The following GON4L variants were observed in gnomAD, a reference collection of about 807,000 sequenced individuals.
GON4L encodes the protein gon-4 like, also known as GON-4-like protein.
GON4L carries 87 observed loss-of-function variants against 211.8 expected under a neutral mutation model. That is an observed-to-expected ratio of 0.41 (90% CI 0.35 to 0.49). The LOEUF is 0.49. GON4L is among the 20% of genes least tolerant of loss of function. The pLI is 0.15. For synonymous variants in GON4L, 875 were observed against 962.6 expected, an observed-to-expected ratio of 0.91 and a Z score of 1.68; for missense variants, 2,155 against 2,659.5, an observed-to-expected ratio of 0.81 and a Z score of 4.17.
At chr1:155,831,853 T>C (rs1007909699) in intron 2 of GON4L, among the ~76,000 whole-genome samples, 4 of 152,214 alleles carry the variant, frequency 2.6e-5, no homozygotes, top group East Asian at 1.9e-4. Context: ...CACTGGACTA[T>C]AGCCTGGATG....
chr1:155,783,458 C>A (rs766404790), intron 14 of GON4L, among the ~76,000 whole-genome samples: 1 of 152,152 alleles, frequency 6.6e-6, no homozygotes, highest in East Asian at 1.9e-4. Context: ...AAATCCACCA[C>A]AAAATGAGGA....
rs531895883 is a variant in GON4L at position 155,854,982 on chromosome 1, C to G, written c.-26-1176G>C. 4.0e-3 allele frequency among the ~76,000 whole-genome samples: 598 copies of G among 150,862 alleles called. 2 individuals are homozygous for G. The highest frequency in any genetic ancestry group is 5.2e-3 in the Non-Finnish European group (351 of 67,838). On this transcript the variant is annotated intron_variant, in intron 1 of 31. Transcript: ENST00000368331. ...CCCGGAGACAGAGGTTGCAGTGAGC[C>G]GAGATCACTCCCCATTGCACTCCAG...
At chr1:155,753,100 T>G (rs753727993) in intron 29 of GON4L, 104 bp downstream of exon 29, 19 of 832,980 alleles carry the variant, frequency 2.3e-5, no homozygotes, top group Non-Finnish European at 3.5e-5. Flanking sequence ...AGGTGGTATA[T>G]CCATCCCTGA....
chr1:155,840,472 T>TATAAAAA (rs1670670770), intron 2 of GON4L, among the ~76,000 whole-genome samples: 2 of 152,188 alleles, frequency 1.3e-5, no homozygotes, highest in African/African-American at 2.4e-5. Context: ...CTGGGCTTTA[T>TATAAAAA]CAAAGCTATA....
In GON4L at chr1:155,753,359, C is replaced by A. The variant is rs1449749082; in HGVS notation, c.5687G>T (p.Ser1896Ile). ...CATAGGACTAGCCTCTCGGTGGGGG[C>A]TGCTGCCCACCAACTCATGGGGCTC... ...SKEPHELVGS[S>I]PHREASPMPG... The change falls in exon 29 of 32, where the codon AGC becomes ATC. Residue 1896 changes from serine (S) to isoleucine (I), a missense_variant. Ser to Ile is a moderately radical substitution (Grantham distance 142, BLOSUM62 -2). This residue lies in a region of GON4L where 455 missense variants were observed against 504.6 expected (regional missense o/e 0.90). Coordinates refer to ENST00000368331, the MANE Select transcript of GON4L (RefSeq NM_001282860.2). 1.9e-6 allele frequency: 3 copies of A among 1,613,634 alleles called. No individual in the cohort carries two copies. Among genetic ancestry groups the A allele is most frequent in the East Asian group, 2.2e-5 (1 of 44,868 alleles).
intron 10 of GON4L, among the ~76,000 whole-genome samples, chr1:155,807,730 A>AAAAAAAAAAAAAAAC (rs1395575383): frequency 7.0e-6 from 1 of 143,798 alleles, no homozygotes; most frequent in African/African-American, 2.6e-5. Context: ...AAAAAAGAAA[A>AAAAAAAAAAAAAAAC]TCAGAAAGTG....
chr1:155,833,517 G>A (rs1463882825), intron 2 of GON4L, among the ~76,000 whole-genome samples: 1 of 151,010 alleles, frequency 6.6e-6, no homozygotes, highest in Admixed American at 6.6e-5. Context: ...ATGATGGCAG[G>A]TGCCTGTAGT....
At chr1:155,841,596 A>T (rs1458309277) in intron 2 of GON4L, among the ~76,000 whole-genome samples, 1 of 152,192 alleles carries the variant, frequency 6.6e-6, no homozygotes, top group Non-Finnish European at 1.5e-5. Context: ...TCTGGCCTAC[A>T]ATGTTTAATT....
chr1:155,792,911 G>A (rs1015486688), intron 12 of GON4L, among the ~76,000 whole-genome samples: 6 of 151,934 alleles, frequency 3.9e-5, no homozygotes, highest in South Asian at 2.1e-4. Context: ...CATGCACCAC[G>A]ACAACTAATT....
At chr1:155,761,655 C>G (rs1218146506) in intron 23 of GON4L, among the ~76,000 whole-genome samples, 1 of 151,810 alleles carries the variant, frequency 6.6e-6, no homozygotes, top group Non-Finnish European at 1.5e-5. Context: ...ACCACCACAC[C>G]CGGCTAATTT....
intron 4 of GON4L, among the ~76,000 whole-genome samples, chr1:155,821,798 T>A (rs565166253): frequency 1.3e-5 from 2 of 152,326 alleles, no homozygotes; most frequent in Admixed American, 1.3e-4. Context: ...GGAACAGGAA[T>A]GGCTCACATA....
rs546887124 is a variant in GON4L at position 155,762,365 on chromosome 1, A to T, written c.4736T>A (p.Ile1579Asn). 13 of 1,610,304 alleles carry T rather than the reference A, an allele frequency of 8.1e-6. No homozygotes were observed. The East Asian group carries it at 2.9e-4, about 36-fold the overall frequency. Residue 1579 changes from isoleucine to asparagine, a missense_variant, in exon 23 of 32, where the codon ATC becomes AAC. Ile to Asn is a moderately radical substitution (Grantham distance 149). Coordinates refer to ENST00000368331, the MANE Select transcript of GON4L (RefSeq NM_001282860.2). The stretch of plus-strand genomic sequence containing the variant: ...GTTCCGGCCTTTTCCAGCAGCTTTG[A>T]TGCTCTCTCCTTGTAGCACACATGA... ...ETSRTPPGESIKAAGKGRNNH... is the reference protein window; with the variant it reads ...ETSRTPPGESNKAAGKGRNNH...
At chr1:155,746,886 C>T, downstream of GON4L, 2 of 1,596,364 alleles carry the variant, frequency 1.3e-6, no homozygotes, top group South Asian at 1.1e-5. Context: ...GGGCCTCTGT[C>T]CTGAACTTTT....
chr1:155,757,027 C>G lies in GON4L; in HGVS notation c.5448G>C (p.Glu1816Asp), dbSNP rs1158305397. ...TTGAGGCTGTGGGTATCTTGGGAGG[C>G]TCCTCCTCTTCTTCCACATCAGGCA... is the stretch of plus-strand genomic sequence containing the variant. The part of the protein sequence containing the change: ...VALPDVEEEE[E>D]PPKIPTASKN... Residue 1816 changes from glutamate to aspartate, a missense_variant, in exon 27 of 32, where the codon GAG becomes GAC. Around this residue, in one of 6 missense-constraint regions of GON4L, gnomAD observed 455 missense variants for 504.6 expected, o/e 0.90. Transcript: ENST00000368331. 1 of 1,613,686 alleles carries G rather than the reference C, an allele frequency of 6.2e-7. No individual in the cohort carries two copies. The highest frequency in any genetic ancestry group is 8.5e-7 in the Non-Finnish European group (1 of 1,179,722).
chr1:155,818,924 G>T (rs1037546787), intron 6 of GON4L, among the ~76,000 whole-genome samples: 8 of 151,900 alleles, frequency 5.3e-5, no homozygotes, highest in Non-Finnish European at 1.2e-4. Flanking sequence ...CTTGAACCTG[G>T]GAGCCAGAGG....
At position 155,804,886 on chromosome 1, in the gene GON4L, A is replaced by C. The variant is rs142314090; in HGVS notation, c.1645+63T>G. 2,438 of 1,183,344 alleles carry C rather than the reference A, an allele frequency of 2.1e-3. 4 individuals are homozygous for C. Among genetic ancestry groups the C allele is most frequent in the Non-Finnish European group, 2.6e-3 (2,066 of 787,128 alleles). The allele number at this position is 1,183,344 out of a possible 1,614,324, so 73.3% of individuals were successfully genotyped here. A position where few individuals can be genotyped will look rare whatever the true frequency, so the allele number is the denominator to read the frequency against. ...ACCATTCCATTCTATACCCTTCCAA[A>C]TACTAAAAATTTTACAACAGATAAT... On this transcript the variant is annotated intron_variant, in intron 11 of 31. Coordinates refer to ENST00000368331, the MANE Select transcript of GON4L (RefSeq NM_001282860.2).
chr1:155,816,350 C>T, intron 6 of GON4L, 88 bp from the exon 7 acceptor site: 1 of 701,168 alleles, frequency 1.4e-6, no homozygotes, highest in Admixed American at 2.2e-5. Flanking sequence ...CACTAACAGC[C>T]ATATACTTAA....
chr1:155,824,611 G>A (rs1669020535), intron 3 of GON4L, among the ~76,000 whole-genome samples: 1 of 151,086 alleles, frequency 6.6e-6, no homozygotes, highest in Admixed American at 6.6e-5. Flanking sequence ...AGGAGTGGTG[G>A]AGCGCACCTG....
At chr1:155,748,997 T>G (rs1660360911), downstream of GON4L, among the ~76,000 whole-genome samples, 1 of 152,142 alleles carries the variant, frequency 6.6e-6, no homozygotes, top group Non-Finnish European at 1.5e-5. Flanking sequence ...CTGACGCCTG[T>G]AATCCCAGCA....
Sources: allele counts gnomAD v4.1 joint callset (sites outside exome capture counted in the v4.1 genomes callset), GRCh38; gene constraint gnomAD v4.1.1; regional missense constraint gnomAD v4.1.1; transcripts MANE v1.5; gene names NCBI Gene and HGNC (gene_info 2026-07-23, HGNC 2026-07-21).